Variants in BNC2 observed in about 807,000 individuals in gnomAD.
BNC2 encodes the protein zinc finger protein basonuclin-2.
In BNC2, 20 loss-of-function variants were observed where a neutral mutation model predicts 76.3. That is an observed-to-expected ratio of 0.26 (90% CI 0.18 to 0.38). The LOEUF is 0.38. Among genes scored for constraint, BNC2 ranks in the 10% least tolerant of loss-of-function variants. The pLI, the probability that BNC2 is intolerant of heterozygous loss-of-function variation, is 1.00. For synonymous variants in BNC2, 582 were observed against 514.8 expected (o/e 1.13, Z -1.77); for missense variants, 1,382 against 1,399.8 (o/e 0.99, Z 0.20).
chr9:16,697,219 G>A (rs934334378), intron 3 of BNC2, among the ~76,000 whole-genome samples: 7 of 152,030 alleles, frequency 4.6e-5, no homozygotes, highest in South Asian at 2.1e-4. Flanking sequence ...TTAGCTGGGC[G>A]TGGTGGCACG....
intron 5 of BNC2, among the ~76,000 whole-genome samples, chr9:16,499,871 G>T (rs1174903988): frequency 1.3e-5 from 2 of 151,832 alleles, no homozygotes; most frequent in African/African-American, 4.8e-5. Flanking sequence ...TGGTTCTCCT[G>T]GCTAAGAAAA....
chr9:16,707,056 G>C (rs977503803), intron 3 of BNC2, among the ~76,000 whole-genome samples: 1 of 152,126 alleles, frequency 6.6e-6, no homozygotes, highest in African/African-American at 2.4e-5. Context: ...CAAAAAATTA[G>C]CCGGGCGTGA....
At chr9:16,633,530 G>A (rs1821228191) in intron 3 of BNC2, among the ~76,000 whole-genome samples, 1 of 151,886 alleles carries the variant, frequency 6.6e-6, no homozygotes, top group South Asian at 2.1e-4. Context: ...AACTTTTTTT[G>A]GTAGTGCGGT....
At chr9:16,487,593 A>G (rs1218618667) in intron 5 of BNC2, among the ~76,000 whole-genome samples, 1 of 152,200 alleles carries the variant, frequency 6.6e-6, no homozygotes, top group African/African-American at 2.4e-5. Flanking sequence ...CTTATAAAAT[A>G]CCATTCAAAT....
chr9:16,573,555 GTAGAATCTA>G (rs1819394131), intron 4 of BNC2, among the ~76,000 whole-genome samples: 2 of 152,022 alleles, frequency 1.3e-5, no homozygotes, highest in South Asian at 4.1e-4. Flanking sequence ...TTCTTGGCGA[GTAGAATCTA>G]AGGCCCAAGA....
At chr9:16,533,717 T>C (rs1170747973) in intron 5 of BNC2, among the ~76,000 whole-genome samples, 1 of 152,192 alleles carries the variant, frequency 6.6e-6, no homozygotes, top group African/African-American at 2.4e-5. Context: ...TTTTTCAACA[T>C]TACTGCTATT....
rs866618378 is a variant in BNC2, at chr9:16,727,939, T to C, written c.188A>G (p.Lys63Arg). Reference sequence around the variant, plus strand: ...TCTTAAAGTCAAGTCTCTTGCCCTCTTTGGCTCTCTGTCTCTCTGTGTCTC... The same window carrying C: ...TCTTAAAGTCAAGTCTCTTGCCCTCCTTGGCTCTCTGTCTCTCTGTGTCTC... ...ERETQRDREP[K>R]RARDLTLRDS... The change falls in exon 3 of 7, where the codon AAG (lysine) becomes AGG (arginine). Residue 63 changes from lysine (K) to arginine (R), a missense_variant. Physicochemically the swap from Lys to Arg is conservative, Grantham distance 26 (BLOSUM62 2). This residue lies in a region of BNC2 where 557 missense variants were observed against 540.9 expected (regional missense o/e 1.03). Transcript: ENST00000380672. The C allele has an allele frequency of 6.2e-7, 1 of 1,614,168 alleles. No individual in the cohort carries two copies. The highest frequency in any genetic ancestry group is 8.5e-7 in the Non-Finnish European group (1 of 1,180,034).
intron 1 of BNC2, among the ~76,000 whole-genome samples, chr9:16,792,104 CAA>C (rs35590121): frequency 3.1e-5 from 4 of 127,178 alleles, no homozygotes; most frequent in Admixed American, 8.2e-5. Flanking sequence ...CTTGACCCTC[CAA>C]AAAAAAAAAA....
chr9:16,489,742 G>A (rs1822235748), intron 5 of BNC2, among the ~76,000 whole-genome samples: 1 of 152,170 alleles, frequency 6.6e-6, no homozygotes, highest in South Asian at 2.1e-4. Flanking sequence ...ACACTCCTGA[G>A]TGATTTGAGT....
At chr9:16,591,668 C>T (rs1819933949) in intron 3 of BNC2, among the ~76,000 whole-genome samples, 1 of 152,016 alleles carries the variant, frequency 6.6e-6, no homozygotes. Context: ...AACCATAGTG[C>T]AAATGTCACT....
chr9:16,414,076 C>G lies in BNC2; in HGVS notation c.*4913G>C, dbSNP rs1296008947. ...CCACTCAAAAACAAAGCAAAAGCAACCAAAACCCCACAATTGTCGGCTCTT... is the reference window on the plus strand; with the variant it reads ...CCACTCAAAAACAAAGCAAAAGCAAGCAAAACCCCACAATTGTCGGCTCTT... On this transcript the variant is annotated 3_prime_UTR_variant, in exon 7 of 7. Coordinates refer to ENST00000380672, the MANE Select transcript of BNC2 (RefSeq NM_017637.6). The G allele has an allele frequency of 6.6e-6, 1 of 152,222 alleles. No homozygotes were observed. The highest frequency in any genetic ancestry group is 6.5e-5 in the Admixed American group (1 of 15,268). 9.4% of individuals were successfully genotyped at this position (152,222 alleles called of 1,614,324 possible). A position where few individuals can be genotyped will look rare whatever the true frequency, so the allele number is the denominator to read the frequency against.
At chr9:16,465,859 G>A (rs1171438958) in intron 5 of BNC2, among the ~76,000 whole-genome samples, 5 of 151,672 alleles carry the variant, frequency 3.3e-5, no homozygotes, top group Admixed American at 2.6e-4. Flanking sequence ...GAAATAAAGG[G>A]TATTCAATTA....
Position 16,870,543 on chromosome 9 carries a change from G to C in BNC2, c.3+103C>G, listed in dbSNP as rs541195819. The C allele has an allele frequency of 1.7e-3, 2,376 of 1,381,574 alleles. 39 individuals are homozygous for C. In the African/African-American group the frequency reaches 0.031, roughly 18 times the overall value. 85.6% of individuals were successfully genotyped at this position (1,381,574 alleles called of 1,614,324 possible). A position where few individuals can be genotyped will look rare whatever the true frequency, so the allele number is the denominator to read the frequency against. On this transcript the variant is annotated intron_variant, in intron 1 of 6. Transcript: ENST00000380672. ...CCCTTGCCCCTCACGCCGCGGGCCG[G>C]AGGGCGGACACGGCCCCCGGGCGGC...
In BNC2 at chr9:16,464,996, C is replaced by T. The variant is rs77240783; in HGVS notation, c.670-27472G>A. Among the ~76,000 whole-genome samples the T allele has an allele frequency of 8.1e-3, 1,237 of 152,278 alleles. 10 individuals are homozygous for T. Among genetic ancestry groups the T allele is most frequent in the Middle Eastern group, 0.02 (6 of 294 alleles). ...CTCAGGATGATTCAGTGAATTCTAACACACGACTTTTAATCATTTCACTCT... is the reference window on the plus strand; with the variant it reads ...CTCAGGATGATTCAGTGAATTCTAATACACGACTTTTAATCATTTCACTCT... On this transcript the variant is annotated intron_variant, in intron 5 of 6. Coordinates refer to ENST00000380672, the MANE Select transcript of BNC2 (RefSeq NM_017637.6).
chr9:16,862,496 G>C (rs1279595285), intron 1 of BNC2, among the ~76,000 whole-genome samples: 1 of 152,132 alleles, frequency 6.6e-6, no homozygotes, highest in African/African-American at 2.4e-5. Flanking sequence ...GAATAGAACA[G>C]GGCCTCTATA....
intron 5 of BNC2, among the ~76,000 whole-genome samples, chr9:16,484,283 A>G (rs1378819070): frequency 1.3e-5 from 2 of 152,168 alleles, no homozygotes; most frequent in African/African-American, 4.8e-5. Flanking sequence ...CCCGAAATAA[A>G]GCTCCTTGTT....
chr9:16,620,645 G>A (rs563923952), intron 3 of BNC2, among the ~76,000 whole-genome samples: 1 of 152,086 alleles, frequency 6.6e-6, no homozygotes, highest in Non-Finnish European at 1.5e-5. Flanking sequence ...CATAAGAAAA[G>A]ATTTGTAAAA....
At chr9:16,609,655 A>G (rs1020077967) in intron 3 of BNC2, among the ~76,000 whole-genome samples, 2 of 152,168 alleles carry the variant, frequency 1.3e-5, no homozygotes, top group Non-Finnish European at 2.9e-5. Flanking sequence ...GAATCCCAGG[A>G]GTGTGCTTTA....
At chr9:16,609,650 C>T (rs1475409247) in intron 3 of BNC2, among the ~76,000 whole-genome samples, 2 of 152,126 alleles carry the variant, frequency 1.3e-5, no homozygotes, top group African/African-American at 4.8e-5. Flanking sequence ...CAGCAGAATC[C>T]CAGGAGTGTG....
Sources: allele counts gnomAD v4.1 joint callset (sites outside exome capture counted in the v4.1 genomes callset), GRCh38; gene constraint gnomAD v4.1.1; regional missense constraint gnomAD v4.1.1; transcripts MANE v1.5; gene names NCBI Gene and HGNC (gene_info 2026-07-23, HGNC 2026-07-21).